SYN2: variants seen among roughly 807,000 people sequenced by gnomAD.
SYN2 encodes synapsin-2.
A neutral mutation model predicts 50.9 loss-of-function variants in SYN2; 19 were observed. That is an observed-to-expected ratio of 0.37 (90% CI 0.26 to 0.55). The LOEUF (loss-of-function observed/expected upper bound fraction) is 0.55. Ranked by LOEUF, SYN2 falls within the 20% of genes least tolerant of loss-of-function variation. The probability of loss-of-function intolerance (pLI) is 0.81; values close to 1 mark genes in which losing one functional copy is unlikely to be tolerated. For synonymous variants in SYN2, 255 were observed against 224.9 expected (o/e 1.13, Z -1.20); for missense variants, 587 against 576.4 (o/e 1.02, Z -0.19).
At chr3:12,119,027 T>A (rs1199488129) in intron 1 of SYN2, among the ~76,000 whole-genome samples, 1 of 152,214 alleles carries the variant, frequency 6.6e-6, no homozygotes, top group Non-Finnish European at 1.5e-5. Context: ...TTTGCACTTG[T>A]GGTTGATGCC....
chr3:12,190,445 TG>T, intron 12 of SYN2, 44 bp from the exon 13 acceptor site: 1 of 1,606,820 alleles, frequency 6.2e-7, no homozygotes, highest in Non-Finnish European at 8.5e-7. Context: ...CCTGCCTTGC[TG>T]GGAACACCAC....
intron 3 of SYN2, among the ~76,000 whole-genome samples, 197 bp downstream of exon 3, chr3:12,142,193 T>G (rs1404404207): frequency 6.6e-6 from 1 of 152,200 alleles, no homozygotes; most frequent in Non-Finnish European, 1.5e-5. Flanking sequence ...CTTAGTCCAG[T>G]GGTAGAGAAA....
chr3:12,025,400 T>G (rs1694235874), intron 1 of SYN2, among the ~76,000 whole-genome samples: 1 of 152,152 alleles, frequency 6.6e-6, no homozygotes, highest in Admixed American at 6.5e-5. Flanking sequence ...AAGAAAGGGA[T>G]TATTGGTTAT....
intron 1 of SYN2, among the ~76,000 whole-genome samples, chr3:12,059,498 A>G (rs1427120514): frequency 6.6e-6 from 1 of 152,120 alleles, no homozygotes; most frequent in Non-Finnish European, 1.5e-5. Context: ...AAGAAATTTA[A>G]AACAAAGAAC....
At chr3:12,054,563 C>T (rs1694946721) in intron 1 of SYN2, among the ~76,000 whole-genome samples, 1 of 152,030 alleles carries the variant, frequency 6.6e-6, no homozygotes, top group African/African-American at 2.4e-5. Flanking sequence ...AAAAATCTAC[C>T]AATTCTCCCC....
At chr3:12,009,987 C>T (rs186349796) in intron 1 of SYN2, among the ~76,000 whole-genome samples, 13 of 152,124 alleles carry the variant, frequency 8.5e-5, no homozygotes, top group East Asian at 3.9e-4. Context: ...CCCAGCTATT[C>T]GGGAGACTGA....
At chr3:12,066,904 A>G (rs753364955) in intron 1 of SYN2, among the ~76,000 whole-genome samples, 1 of 152,204 alleles carries the variant, frequency 6.6e-6, no homozygotes, top group Non-Finnish European at 1.5e-5. Context: ...CCTTTTGACT[A>G]AGATCAAGTG....
intron 1 of SYN2, among the ~76,000 whole-genome samples, chr3:12,091,318 C>G (rs1346789211): frequency 6.6e-6 from 1 of 152,084 alleles, no homozygotes; most frequent in Admixed American, 6.6e-5. Context: ...AGAAGATAAC[C>G]TTGCTCTAAT....
chr3:12,151,429 C>CTGGGGTTG, intron 5 of SYN2, 103 bp downstream of exon 5: 1 of 852,364 alleles, frequency 1.2e-6, no homozygotes, highest in Non-Finnish European at 1.9e-6. Context: ...ATCTCAACCC[C>CTGGGGTTG]AAAGACTCCA....
At chr3:12,027,006 A>C (rs1195334302) in intron 1 of SYN2, among the ~76,000 whole-genome samples, 1 of 152,164 alleles carries the variant, frequency 6.6e-6, no homozygotes, top group Non-Finnish European at 1.5e-5. Context: ...TATACGCGTA[A>C]TGCTTGTATA....
intron 1 of SYN2, among the ~76,000 whole-genome samples, chr3:12,086,999 TTTAG>T (rs1280261242): frequency 6.6e-6 from 1 of 152,050 alleles, no homozygotes; most frequent in East Asian, 1.9e-4. Flanking sequence ...GATAAATGAA[TTTAG>T]TTAAGTTTAA....
intron 1 of SYN2, among the ~76,000 whole-genome samples, chr3:12,013,103 C>T (rs1693951079): frequency 6.6e-6 from 1 of 152,180 alleles, no homozygotes; most frequent in Admixed American, 6.5e-5. Flanking sequence ...CGCTTGGCTT[C>T]AGGACACTGC....
chr3:12,143,185 G>A (rs1231855956), intron 3 of SYN2, among the ~76,000 whole-genome samples: 1 of 152,182 alleles, frequency 6.6e-6, no homozygotes, highest in Non-Finnish European at 1.5e-5. Flanking sequence ...TGTAACTGGG[G>A]TGCAGGATTG....
At chr3:12,162,398 A>C (rs1001230039) in intron 7 of SYN2, among the ~76,000 whole-genome samples, 1 of 152,230 alleles carries the variant, frequency 6.6e-6, no homozygotes, top group Non-Finnish European at 1.5e-5. Flanking sequence ...GACAGACTAC[A>C]TTAGTTACCT....
At chr3:12,106,609 G>A (rs1274958644) in intron 1 of SYN2, among the ~76,000 whole-genome samples, 1 of 151,956 alleles carries the variant, frequency 6.6e-6, no homozygotes, top group East Asian at 1.9e-4. Context: ...TTATGTATGA[G>A]GTTTACAATC....
In SYN2 at chr3:12,091,124, C is replaced by T. The variant is rs191943441; in HGVS notation, c.378-49527C>T. Among the ~76,000 whole-genome samples, 10 of 152,204 alleles carry T rather than the reference C, an allele frequency of 6.6e-5. No individual in the cohort carries two copies. In the East Asian group the frequency reaches 1.7e-3, roughly 26 times the overall value. ...ACACTAAACTGTTTATAATAGTTTG[C>T]TTTCAGAGGTGGGATTGTAGAGAAA... On this transcript the variant is annotated intron_variant, in intron 1 of 12. Transcript: ENST00000621198.
chr3:12,146,896 T>C (rs548107367), intron 4 of SYN2, among the ~76,000 whole-genome samples: 19 of 152,270 alleles, frequency 1.2e-4, no homozygotes, highest in Admixed American at 6.5e-4. Context: ...CCTCATTGGC[T>C]TGCAGTATGC....
At chr3:12,123,441 C>A (rs570105162) in intron 1 of SYN2, among the ~76,000 whole-genome samples, 1 of 152,164 alleles carries the variant, frequency 6.6e-6, no homozygotes, top group Non-Finnish European at 1.5e-5. Flanking sequence ...ACAAAACAAT[C>A]TAGAATTTTC....
At chr3:12,073,277 G>A (rs778702258) in intron 1 of SYN2, among the ~76,000 whole-genome samples, 2 of 152,170 alleles carry the variant, frequency 1.3e-5, no homozygotes, top group Non-Finnish European at 2.9e-5. Context: ...TATGGATTAA[G>A]GGGCGCCAAG....
Sources: allele counts gnomAD v4.1 joint callset (sites outside exome capture counted in the v4.1 genomes callset), GRCh38; gene constraint gnomAD v4.1.1; transcripts MANE v1.5; gene names NCBI Gene and HGNC (gene_info 2026-07-23, HGNC 2026-07-21).